Variants in STXBP5L observed in about 807,000 individuals in gnomAD.
STXBP5L encodes the protein syntaxin-binding protein 5-like.
STXBP5L carries 65 observed loss-of-function variants against 144.5 expected under a neutral mutation model. That is an observed-to-expected ratio of 0.45 (90% CI 0.37 to 0.55). The LOEUF (loss-of-function observed/expected upper bound fraction) is 0.55, where lower values mean the gene tolerates loss of function less well. Ranked by LOEUF, STXBP5L falls within the 20% of genes least tolerant of loss-of-function variation. The pLI is 0.00. For missense variants in STXBP5L, 1,298 were observed against 1,405.5 expected, an observed-to-expected ratio of 0.92 and a Z score of 1.22; for synonymous variants, 505 against 469.6, an observed-to-expected ratio of 1.08 and a Z score of -0.97.
At chr3:121,033,586 A>C (rs1946531543) in intron 3 of STXBP5L, among the ~76,000 whole-genome samples, 2 of 149,512 alleles carry the variant, frequency 1.3e-5, no homozygotes, top group African/African-American at 2.4e-5. Flanking sequence ...AAAAAAAAAA[A>C]CATTAAAAAA....
chr3:121,357,995 G>A (rs1238538436), intron 20 of STXBP5L: 1 of 151,976 alleles, frequency 6.6e-6, no homozygotes, highest in African/African-American at 2.4e-5. Flanking sequence ...TATTGTGGGT[G>A]CATTGTGGTT....
chr3:121,031,369 T>G (rs9819822), intron 3 of STXBP5L, among the ~76,000 whole-genome samples: 15,077 of 150,398 alleles, frequency 0.1, 1,182 homozygotes, highest in Admixed American at 0.21. Context: ...TATATATCTA[T>G]GTATGTGTAT....
At chr3:121,152,157 T>C (rs2045956101) in intron 7 of STXBP5L, among the ~76,000 whole-genome samples, 2 of 152,014 alleles carry the variant, frequency 1.3e-5, no homozygotes, top group African/African-American at 4.8e-5. Flanking sequence ...TCTTATCCCA[T>C]TTCATGTTTT....
At chr3:120,909,458 G>T in intron 1 of STXBP5L, 113 bp from the exon 2 acceptor site, 1 of 918,694 alleles carries the variant, frequency 1.1e-6, no homozygotes, top group Non-Finnish European at 1.6e-6. Flanking sequence ...CGTAACCAAT[G>T]CTCATAAAAT....
chr3:121,414,734 T>C (rs1278297174), intron 24 of STXBP5L, among the ~76,000 whole-genome samples: 1 of 152,168 alleles, frequency 6.6e-6, no homozygotes. Flanking sequence ...GAGTAGATCT[T>C]GCAGCCCCTT....
intron 3 of STXBP5L, among the ~76,000 whole-genome samples, chr3:120,956,909 T>C (rs976193256): frequency 6.6e-6 from 1 of 151,948 alleles, no homozygotes; most frequent in Non-Finnish European, 1.5e-5. Flanking sequence ...CCAAATCCAA[T>C]GGAATGAAGC....
intron 3 of STXBP5L, among the ~76,000 whole-genome samples, chr3:121,002,477 C>T (rs958418005): frequency 1.3e-5 from 2 of 152,006 alleles, no homozygotes; most frequent in Non-Finnish European, 2.9e-5. Flanking sequence ...TAAATATGAT[C>T]TGCTAATCTT....
At chr3:121,014,363 A>G (rs993195716) in intron 3 of STXBP5L, among the ~76,000 whole-genome samples, 33 of 152,092 alleles carry the variant, frequency 2.2e-4, no homozygotes, top group African/African-American at 7.7e-4. Context: ...TTCTGTCACC[A>G]CATAGCAGGG....
chr3:121,099,723 G>A (rs2043316506), intron 5 of STXBP5L: 1 of 152,936 alleles, frequency 6.5e-6, no homozygotes, highest in Non-Finnish European at 1.5e-5. Flanking sequence ...GCATCTGCAA[G>A]AAAACCCTGC....
At chr3:121,040,861 C>T (rs986645897) in intron 3 of STXBP5L, among the ~76,000 whole-genome samples, 3 of 152,078 alleles carry the variant, frequency 2.0e-5, no homozygotes, top group Admixed American at 6.6e-5. Flanking sequence ...AAATTTGTTA[C>T]ATACATTTTG....
At chr3:121,339,038 C>T (rs984229310) in intron 20 of STXBP5L, among the ~76,000 whole-genome samples, 3 of 152,144 alleles carry the variant, frequency 2.0e-5, no homozygotes, top group South Asian at 2.1e-4. Flanking sequence ...TCCTTCCTAA[C>T]TCATTCTATG....
intron 20 of STXBP5L, among the ~76,000 whole-genome samples, chr3:121,350,898 G>A (rs1172324416): frequency 6.6e-6 from 1 of 152,038 alleles, no homozygotes; most frequent in Non-Finnish European, 1.5e-5. Context: ...TTTGCCATGG[G>A]TTTGAACTTC....
In STXBP5L at chr3:120,908,212, C is replaced by T. The variant is rs953401138; in HGVS notation, c.-131C>T. 2 of 152,194 alleles carry T rather than the reference C, an allele frequency of 1.3e-5. No homozygotes were observed. The highest frequency in any genetic ancestry group is 1.9e-4 in the East Asian group (1 of 5,144). The allele number at this position is 152,194 out of a possible 1,614,324, so 9.4% of individuals were successfully genotyped here. On this transcript the variant is annotated 5_prime_UTR_variant, in exon 1 of 27. Coordinates refer to ENST00000471454, the MANE Select transcript of STXBP5L (RefSeq NM_001308330.2). ...GAGCCTGCTCTGGAGCCTGACTGCT[C>T]GGTTAGGACCTCGGAGAGCGCCAGG...
intron 5 of STXBP5L, among the ~76,000 whole-genome samples, chr3:121,087,704 T>C (rs1427386184): frequency 6.6e-6 from 1 of 152,048 alleles, no homozygotes; most frequent in African/African-American, 2.4e-5. Context: ...TCCATTTTAT[T>C]TTTTGTTTTT....
At chr3:121,093,108 C>T (rs188339199) in intron 5 of STXBP5L, among the ~76,000 whole-genome samples, 2 of 152,274 alleles carry the variant, frequency 1.3e-5, no homozygotes, top group Non-Finnish European at 2.9e-5. Flanking sequence ...AGCCTTGCAT[C>T]CCAGGGATGA....
chr3:121,059,601 C>G (rs2041158985), intron 5 of STXBP5L, among the ~76,000 whole-genome samples: 1 of 152,128 alleles, frequency 6.6e-6, no homozygotes, highest in Non-Finnish European at 1.5e-5. Flanking sequence ...TTCTTCCTAT[C>G]CATGAGCATG....
rs570371307 is a variant in STXBP5L, at chr3:121,078,836, C to A, written c.470+33301C>A. Among the ~76,000 whole-genome samples the A allele has an allele frequency of 3.9e-5, 6 of 152,376 alleles. No individual in the cohort carries two copies. In the South Asian group the frequency reaches 1.0e-3, roughly 26 times the overall value. On this transcript the variant is annotated intron_variant, in intron 5 of 26. Coordinates refer to ENST00000471454, the MANE Select transcript of STXBP5L (RefSeq NM_001308330.2). ...ATTGCCTGGGTCCGGCAGGGCTGGCCGGCTGCTCTGAGTGCGGGGCCCGCC... is the reference window on the plus strand; with the variant it reads ...ATTGCCTGGGTCCGGCAGGGCTGGCAGGCTGCTCTGAGTGCGGGGCCCGCC...
At chr3:121,364,848 T>C (rs2045818989) in intron 20 of STXBP5L, among the ~76,000 whole-genome samples, 1 of 151,944 alleles carries the variant, frequency 6.6e-6, no homozygotes, top group Non-Finnish European at 1.5e-5. Flanking sequence ...TGTGGAATCT[T>C]TGTTTTTATA....
At chr3:120,940,451 C>T (rs1576453008) in intron 2 of STXBP5L, among the ~76,000 whole-genome samples, 3 of 151,612 alleles carry the variant, frequency 2.0e-5, no homozygotes, top group East Asian at 3.9e-4. Flanking sequence ...TCATTTGAGG[C>T]TGATATTAAT....
Sources: gnomAD v4.1 joint callset for allele counts (sites outside exome capture counted in the v4.1 genomes callset) on GRCh38, gnomAD v4.1.1 for gene constraint, MANE v1.5 for transcripts, NCBI Gene and HGNC (gene_info 2026-07-23, HGNC 2026-07-21) for gene names.